The following HMGXB3 variants were observed in gnomAD, a reference collection of about 807,000 sequenced individuals.
The protein encoded by HMGXB3 is HMG domain-containing protein 3.
Under a neutral mutation model 121.5 loss-of-function variants are expected in HMGXB3, and 45 were observed. That is an observed-to-expected ratio of 0.37 (90% confidence interval 0.29 to 0.47). The LOEUF (loss-of-function observed/expected upper bound fraction) is 0.47, where lower values mean the gene tolerates loss of function less well. Among genes scored for constraint, HMGXB3 ranks in the 20% least tolerant of loss-of-function variants. The probability of loss-of-function intolerance (pLI) is 0.99; values close to 1 mark genes in which losing one functional copy is unlikely to be tolerated. For missense variants in HMGXB3, 1,376 were observed against 1,602.2 expected (o/e 0.86, Z 2.41); for synonymous variants, 590 against 624.1 (o/e 0.95, Z 0.81).
chr5:150,045,721 G>A (rs1225966883), intron 16 of HMGXB3, 36 bp downstream of exon 16: 2 of 1,503,094 alleles, frequency 1.3e-6, no homozygotes, highest in African/African-American at 1.4e-5. Flanking sequence ...GGTCAAAAAA[G>A]GGCTCAGTCA....
Position 150,024,625 on chromosome 5 carries a change from C to T in HMGXB3, c.1405C>T (p.Pro469Ser). 1 of 1,551,736 alleles carries T rather than the reference C, an allele frequency of 6.4e-7. No homozygotes were observed. Among genetic ancestry groups the T allele is most frequent in the South Asian group, 1.2e-5 (1 of 84,036 alleles). ...NDSPGADVPT[P>S]SEGTSTSSPL... The stretch of plus-strand genomic sequence containing the variant: ...CAGTCCTGGAGCAGACGTACCAACA[C>T]CATCCGAGGGGACAAGTACCTCCAG... Residue 469 changes from proline (P) to serine (S), a missense_variant, in exon 7 of 20, where the codon CCA becomes TCA. Coordinates refer to ENST00000502717, the MANE Select transcript of HMGXB3 (RefSeq NM_014983.3).
intron 11 of HMGXB3, among the ~76,000 whole-genome samples, chr5:150,033,011 T>G (rs1039017499): frequency 5.3e-5 from 8 of 152,212 alleles, no homozygotes; most frequent in Admixed American, 2.6e-4. Flanking sequence ...CACCGCTGCT[T>G]TCTCAGGCTC....
At chr5:150,020,185 A>G (rs1340679898) in intron 6 of HMGXB3, among the ~76,000 whole-genome samples, 1 of 152,208 alleles carries the variant, frequency 6.6e-6, no homozygotes, top group Non-Finnish European at 1.5e-5. Context: ...TATCATCATG[A>G]TAGACATCAA....
rs563182011 is a variant in HMGXB3 at position 150,037,928 on chromosome 5, G to A, written c.2413+401G>A. ...GTTTATAGTCTTTCTTTGAACAAAA[G>A]TACGGTTGTGCTAGATGTTGTTTTG... On this transcript the variant is annotated intron_variant, in intron 13 of 19. Coordinates refer to ENST00000502717, the MANE Select transcript of HMGXB3 (RefSeq NM_014983.3). 2.6e-5 allele frequency among the ~76,000 whole-genome samples: 4 copies of A among 152,318 alleles called. No homozygotes were observed. In the East Asian group the frequency reaches 7.7e-4, roughly 29 times the overall value.
At chr5:150,021,797 C>A in intron 6 of HMGXB3, 1 of 505,876 alleles carries the variant, frequency 2.0e-6, no homozygotes, top group South Asian at 1.4e-5. Context: ...TTCCTTTGCT[C>A]CTCTGATCAA....
At chr5:150,015,177 G>C (rs914106131) in intron 5 of HMGXB3, 5 of 291,510 alleles carry the variant, frequency 1.7e-5, no homozygotes, top group African/African-American at 8.9e-5. Context: ...TCGTTATCCA[G>C]CTGATGGCCA....
chr5:150,046,034 A>C (rs540460528), intron 16 of HMGXB3, among the ~76,000 whole-genome samples: 1 of 152,270 alleles, frequency 6.6e-6, no homozygotes, highest in East Asian at 1.9e-4. Flanking sequence ...ATCTGCCTTC[A>C]AAACAGGCCT....
chr5:150,031,673 G>A (rs1266722928), intron 10 of HMGXB3, among the ~76,000 whole-genome samples: 1 of 152,204 alleles, frequency 6.6e-6, no homozygotes, highest in Admixed American at 6.5e-5. Context: ...TGAGAGAACA[G>A]CTAGATTTTT....
intron 19 of HMGXB3, among the ~76,000 whole-genome samples, chr5:150,050,756 C>T (rs1756870759): frequency 6.6e-6 from 1 of 152,234 alleles, no homozygotes; most frequent in Non-Finnish European, 1.5e-5. Flanking sequence ...GCTGGGATTA[C>T]AGGCATGAGC....
At chr5:150,031,271 A>G (rs1034030410) in intron 10 of HMGXB3, among the ~76,000 whole-genome samples, 7 of 152,268 alleles carry the variant, frequency 4.6e-5, no homozygotes, top group African/African-American at 1.4e-4. Context: ...TTAGTAAAGC[A>G]GCTTATTTTG....
rs1484843898 is a variant in HMGXB3 at position 150,001,149 on chromosome 5, T to A, written c.-33T>A. The A allele has an allele frequency of 3.9e-5, 6 of 153,304 alleles. No homozygotes were observed. Among genetic ancestry groups the A allele is most frequent in the Non-Finnish European group, 7.3e-5 (5 of 68,214 alleles). 9.5% of individuals were successfully genotyped at this position (153,304 alleles called of 1,614,324 possible). A position where few individuals can be genotyped will look rare whatever the true frequency, so the allele number is the denominator to read the frequency against. The stretch of plus-strand genomic sequence containing the variant: ...CCGCCGGGCCAAGCGCCTCCGGGAA[T>A]GTGAGCGGCGCAGCTTGCACGCTCC... On this transcript the variant is annotated 5_prime_UTR_variant, in exon 1 of 20. It removes an upstream start codon present in the reference 5' UTR. Transcript: ENST00000502717.
rs199576726 is a variant in HMGXB3, at chr5:150,010,554, G to C, written c.756G>C (p.Leu252=). 6.4e-7 allele frequency: 1 copy of C among 1,551,488 alleles called. No homozygotes were observed. The highest frequency in any genetic ancestry group is 1.4e-5 in the African/African-American group (1 of 73,192). Residue 252 remains leucine (L), a synonymous_variant, in exon 4 of 20, where the codon CTG becomes CTC. Transcript: ENST00000502717. Reference sequence around the variant, plus strand: ...CACCAGACCTCCCCACTGGAAGCCTGGCTGTGCCCCACCCCCAGGTTGGGG... The same window carrying C: ...CACCAGACCTCCCCACTGGAAGCCTCGCTGTGCCCCACCCCCAGGTTGGGG... The part of the protein sequence containing the change: ...NGSPDLPTGS[L]AVPHPQVGES...
chr5:150,030,772 A>G lies in HMGXB3; in HGVS notation c.1766A>G (p.Gln589Arg). ...AGTGGCCCATCCAACAGGACTTCTC[A>G]GGTGAAAGTTGTGGAGGTCAAGCCC... Reference protein sequence around the residue: ...LPSGPSNRTSQVKVVEVKPDM... With the variant: ...LPSGPSNRTSRVKVVEVKPDM... The change falls in exon 10 of 20, where the codon CAG becomes CGG. Residue 589 changes from glutamine (Q) to arginine (R), a missense_variant. Gln to Arg is a conservative substitution (Grantham distance 43, BLOSUM62 1). Coordinates refer to ENST00000502717, the MANE Select transcript of HMGXB3 (RefSeq NM_014983.3). The G allele has an allele frequency of 6.4e-7, 1 of 1,552,222 alleles. No homozygotes were observed. Among genetic ancestry groups the G allele is most frequent in the South Asian group, 1.2e-5 (1 of 84,056 alleles).
At chr5:150,045,366 A>G in intron 15 of HMGXB3, 100 bp from the exon 16 acceptor site, 1 of 1,010,488 alleles carries the variant, frequency 9.9e-7, no homozygotes, top group Non-Finnish European at 1.5e-6. Flanking sequence ...TCCCTTCACC[A>G]AGCCTTGGCT....
rs1756612263 is a variant in HMGXB3 at position 150,040,759 on chromosome 5, G to A, written c.2425G>A (p.Val809Met). Residue 809 changes from valine to methionine, a missense_variant, in exon 14 of 20, where the codon GTG becomes ATG. Around this residue, in one of 2 missense-constraint regions of HMGXB3, gnomAD observed 1,116 missense variants for 1,369.0 expected, o/e 0.82. Coordinates refer to ENST00000502717, the MANE Select transcript of HMGXB3 (RefSeq NM_014983.3). The part of the protein sequence containing the change: ...FIDIYTGLFN[V>M]GNKLLVSLDL... Reference sequence around the variant, plus strand: ...TTCTTAACCTGCAGGTCTCTTTAATGTGGGGAACAAGCTGCTGGTAAGCCT... The same window carrying A: ...TTCTTAACCTGCAGGTCTCTTTAATATGGGGAACAAGCTGCTGGTAAGCCT... 7 of 1,551,642 alleles carry A rather than the reference G, an allele frequency of 4.5e-6. No individual in the cohort carries two copies. Among genetic ancestry groups the A allele is most frequent in the African/African-American group, 1.4e-5 (1 of 73,094 alleles).
intron 5 of HMGXB3, among the ~76,000 whole-genome samples, chr5:150,018,212 G>A (rs1296674838): frequency 6.6e-6 from 1 of 152,174 alleles, no homozygotes; most frequent in Non-Finnish European, 1.5e-5. Flanking sequence ...TTAAACCTCA[G>A]TAGTAATAAT....
At chr5:150,049,414 C>A (rs1421961875) in intron 18 of HMGXB3, among the ~76,000 whole-genome samples, 4 of 151,594 alleles carry the variant, frequency 2.6e-5, no homozygotes, top group African/African-American at 4.8e-5. Context: ...ACGGAAACCC[C>A]CCCCCTTAAC....
At position 150,050,464 on chromosome 5, in the gene HMGXB3, G is replaced by A. The variant is rs1375225723; in HGVS notation, c.3411+3G>A. On this transcript the variant is annotated splice_donor_region_variant and intron_variant, in intron 19 of 19. Transcript: ENST00000502717. ...CTAGCCCCACAGAGCCACCTGTGGT[G>A]AGTCACCTCCTGAGGAACTGCCATG... 37 of 1,548,228 alleles carry A rather than the reference G, an allele frequency of 2.4e-5. No homozygotes were observed. Among genetic ancestry groups the A allele is most frequent in the Non-Finnish European group, 3.1e-5 (36 of 1,144,082 alleles).
chr5:150,037,614 A>G lies in HMGXB3; in HGVS notation c.2413+87A>G, dbSNP rs780309052. Reference sequence around the variant, plus strand: ...GGATGAGACCTCTGGCCCTTTGAGGACTGGGCCTTCTCAGATGGGGCTTCT... The same window carrying G: ...GGATGAGACCTCTGGCCCTTTGAGGGCTGGGCCTTCTCAGATGGGGCTTCT... On this transcript the variant is annotated intron_variant, in intron 13 of 19. Transcript: ENST00000502717. 250 of 1,192,506 alleles carry G rather than the reference A, an allele frequency of 2.1e-4. 1 individual carries two copies. The highest frequency in any genetic ancestry group is 2.7e-4 in the Non-Finnish European group (245 of 922,230). 73.9% of individuals were successfully genotyped at this position (1,192,506 alleles called of 1,614,324 possible). A position where few individuals can be genotyped will look rare whatever the true frequency, so the allele number is the denominator to read the frequency against.
Sources: gnomAD v4.1 joint callset for allele counts (sites outside exome capture counted in the v4.1 genomes callset) on GRCh38, gnomAD v4.1.1 for gene constraint, gnomAD v4.1.1 regional missense constraint, MANE v1.5 for transcripts, NCBI Gene and HGNC (gene_info 2026-07-23, HGNC 2026-07-21) for gene names.